The following DPF3 variants were observed in gnomAD, a reference collection of about 807,000 sequenced individuals.
The protein encoded by DPF3 is double PHD fingers 3.
A neutral mutation model predicts 56.8 loss-of-function variants in DPF3; 18 were observed. The ratio of observed to expected loss-of-function variants is 0.32; its 90% CI spans 0.22 to 0.47. DPF3 has a LOEUF of 0.47. Ranked by LOEUF, DPF3 falls within the 20% of genes least tolerant of loss-of-function variation. The pLI, the probability that DPF3 is intolerant of heterozygous loss-of-function variation, is 1.00. For missense variants in DPF3, 403 were observed against 488.8 expected (o/e 0.82, Z 1.65); for synonymous variants, 188 against 180.2 (o/e 1.04, Z -0.35).
rs1168947805 is a variant in DPF3 at position 72,886,676 on chromosome 14, C to T, written c.32+7381G>A. ...CTTTAAAGTCTCAGAATTTACACAC[C>T]AGCTCCTGTGTAGACTCTGATGAGT... On this transcript the variant is annotated intron_variant, in intron 1 of 10. Coordinates refer to ENST00000556509, the MANE Select transcript of DPF3 (RefSeq NM_001280542.3). 6.6e-5 allele frequency among the ~76,000 whole-genome samples: 10 copies of T among 152,202 alleles called. No homozygotes were observed. The East Asian group carries it at 1.9e-3, about 29-fold the overall frequency.
intron 1 of DPF3, among the ~76,000 whole-genome samples, chr14:72,846,167 A>G (rs1290206825): frequency 6.7e-6 from 1 of 150,242 alleles, no homozygotes; most frequent in East Asian, 1.9e-4. Context: ...CCGGAATACA[A>G]TGGCATGATC....
At chr14:72,753,038 A>AG (rs1267779209) in intron 3 of DPF3, among the ~76,000 whole-genome samples, 1 of 152,148 alleles carries the variant, frequency 6.6e-6, no homozygotes, top group Non-Finnish European at 1.5e-5. Context: ...GGGGTGGCAA[A>AG]GGGAAGGCAT....
At chr14:72,713,872 G>A (rs1446388985) in intron 6 of DPF3, among the ~76,000 whole-genome samples, 2 of 152,174 alleles carry the variant, frequency 1.3e-5, no homozygotes, top group African/African-American at 4.8e-5. Context: ...TCCAAAAGAT[G>A]TTTCTGAAGC....
intron 1 of DPF3, among the ~76,000 whole-genome samples, chr14:72,826,565 T>G (rs146446339): frequency 6.6e-6 from 1 of 152,360 alleles, no homozygotes; most frequent in Non-Finnish European, 1.5e-5. Flanking sequence ...GGAGAGATGA[T>G]GCATCAAGGA....
intron 8 of DPF3, chr14:72,671,472 G>A (rs761307872): frequency 2.0e-5 from 25 of 1,258,132 alleles, no homozygotes; most frequent in Admixed American, 1.2e-4. Context: ...GGATTAACCC[G>A]GTGCATCACC....
chr14:72,620,720 T>C (rs1367724763), intron 9 of DPF3, among the ~76,000 whole-genome samples: 1 of 152,262 alleles, frequency 6.6e-6, no homozygotes, highest in Non-Finnish European at 1.5e-5. Context: ...ACAAAGTCTT[T>C]GCTAATCTAC....
At chr14:72,830,371 A>G (rs1169932711) in intron 1 of DPF3, among the ~76,000 whole-genome samples, 1 of 152,212 alleles carries the variant, frequency 6.6e-6, no homozygotes, top group Non-Finnish European at 1.5e-5. Context: ...CTGTCCTTAT[A>G]TTTTGGATCA....
At chr14:72,705,845 C>T (rs1888382006) in intron 6 of DPF3, among the ~76,000 whole-genome samples, 1 of 152,046 alleles carries the variant, frequency 6.6e-6, no homozygotes, top group Non-Finnish European at 1.5e-5. Context: ...ATGTGGGAGG[C>T]AGCCTACCAG....
chr14:72,612,731 T>C lies in DPF3; in HGVS notation c.*6566A>G, dbSNP rs1411346029. Reference sequence around the variant, plus strand: ...CCCTTTGATAGCAGAATTGAGACTTTTGAAGTACCCAACTATTGCCAAATA... The same window carrying C: ...CCCTTTGATAGCAGAATTGAGACTTCTGAAGTACCCAACTATTGCCAAATA... On this transcript the variant is annotated 3_prime_UTR_variant, in exon 11 of 11. Coordinates refer to ENST00000556509, the MANE Select transcript of DPF3 (RefSeq NM_001280542.3). 2.4e-6 allele frequency: 1 copy of C among 417,934 alleles called. No individual in the cohort carries two copies. Among genetic ancestry groups the C allele is most frequent in the Non-Finnish European group, 4.8e-6 (1 of 208,864 alleles). The allele number at this position is 417,934 out of a possible 1,614,324, so 25.9% of individuals were successfully genotyped here. A position where few individuals can be genotyped will look rare whatever the true frequency, so the allele number is the denominator to read the frequency against.
chr14:72,650,672 G>C (rs932568625), intron 8 of DPF3, among the ~76,000 whole-genome samples: 2 of 152,188 alleles, frequency 1.3e-5, no homozygotes, highest in Non-Finnish European at 2.9e-5. Flanking sequence ...GATCCACACA[G>C]ATGCCCCCTC....
In DPF3 at chr14:72,893,021, A is replaced by AGGCAGGC. The variant is rs1567273900; in HGVS notation, c.32+1035_32+1036insGCCTGCC. ...GAAGGAAGGAAGGAAGGAAGGAAGG[A>AGGCAGGC]AGGATGAAAAGGAGGAGGAAGGCAG... On this transcript the variant is annotated intron_variant, in intron 1 of 10. Coordinates refer to ENST00000556509, the MANE Select transcript of DPF3 (RefSeq NM_001280542.3). Among the ~76,000 whole-genome samples, 359 of 135,560 alleles carry AGGCAGGC rather than the reference A, an allele frequency of 2.6e-3. 12 individuals are homozygous for AGGCAGGC. Among genetic ancestry groups the AGGCAGGC allele is most frequent in the Middle Eastern group, 7.7e-3 (2 of 260 alleles). 88.9% of individuals were successfully genotyped at this position (135,560 alleles called of 152,430 possible).
chr14:72,775,171 G>T (rs1891698940), intron 1 of DPF3, among the ~76,000 whole-genome samples: 1 of 151,914 alleles, frequency 6.6e-6, no homozygotes, highest in Admixed American at 6.6e-5. Flanking sequence ...AAAAAAAAAA[G>T]ATGTTAATTA....
intron 1 of DPF3, among the ~76,000 whole-genome samples, chr14:72,800,475 T>C (rs575220608): frequency 3.4e-4 from 51 of 152,206 alleles, no homozygotes; most frequent in African/African-American, 1.1e-3. Flanking sequence ...GACACATGGA[T>C]GCATGGATGC....
rs1296795154 is a variant in DPF3, at chr14:72,615,396, T to C, written c.*3901A>G. On this transcript the variant is annotated 3_prime_UTR_variant, in exon 11 of 11. Transcript: ENST00000556509. Reference sequence around the variant, plus strand: ...CCGAAAGGAAAAGTAATAACAATCATCTCATTTTTCTTCCTTAAAACATCA... The same window carrying C: ...CCGAAAGGAAAAGTAATAACAATCACCTCATTTTTCTTCCTTAAAACATCA... Among the ~76,000 whole-genome samples, 1 of 152,138 alleles carries C rather than the reference T, an allele frequency of 6.6e-6. No homozygotes were observed. Among genetic ancestry groups the C allele is most frequent in the African/African-American group, 2.4e-5 (1 of 41,430 alleles).
intron 1 of DPF3, among the ~76,000 whole-genome samples, chr14:72,893,021 A>AGGC (rs1567273900): frequency 7.4e-6 from 1 of 135,454 alleles, no homozygotes. Context: ...GGAAGGAAGG[A>AGGC]AGGATGAAAA....
chr14:72,682,222 A>G (rs1233958691), intron 7 of DPF3, among the ~76,000 whole-genome samples: 1 of 151,764 alleles, frequency 6.6e-6, no homozygotes, highest in Non-Finnish European at 1.5e-5. Context: ...CTCAAGAAAA[A>G]AAAAAAAAAA....
At chr14:72,880,637 G>A (rs774081421) in intron 1 of DPF3, among the ~76,000 whole-genome samples, 1 of 152,078 alleles carries the variant, frequency 6.6e-6, no homozygotes, top group Non-Finnish European at 1.5e-5. Flanking sequence ...GCTCACTGCA[G>A]CCTCAACCTC....
chr14:72,884,953 T>TATATATATATATATATATATATACAC lies in DPF3; in HGVS notation c.32+9103_32+9104insGTGTATATATATATATATATATATAT, dbSNP rs1316175906. 5.4e-5 allele frequency among the ~76,000 whole-genome samples: 4 copies of TATATATATATATATATATATATACAC among 73,780 alleles called. 2 individuals carry two copies. The highest frequency in any genetic ancestry group is 1.2e-4 in the Non-Finnish European group (4 of 34,456). 48.4% of individuals were successfully genotyped at this position (73,780 alleles called of 152,430 possible). A position where few individuals can be genotyped will look rare whatever the true frequency, so the allele number is the denominator to read the frequency against. On this transcript the variant is annotated intron_variant, in intron 1 of 10. Coordinates refer to ENST00000556509, the MANE Select transcript of DPF3 (RefSeq NM_001280542.3). ...CTACTAAAAATACTATATATATATA[T>TATATATATATATATATATATATACAC]ATATATATATATATATATTAGCCGG...
rs1440165682 is a variant in DPF3 at position 72,614,870 on chromosome 14, T to G, written c.*4427A>C. 6.7e-6 allele frequency among the ~76,000 whole-genome samples: 1 copy of G among 148,784 alleles called. No homozygotes were observed. Among genetic ancestry groups the G allele is most frequent in the Non-Finnish European group, 1.5e-5 (1 of 67,548 alleles). On this transcript the variant is annotated 3_prime_UTR_variant, in exon 11 of 11. Transcript: ENST00000556509. ...ATTTCTCCCTGAGGACATCCAGCTC[T>G]CTGCCTTTTTCCACCAGAGATCCTC...
Sources: gnomAD v4.1 joint callset for allele counts (sites outside exome capture counted in the v4.1 genomes callset) on GRCh38, gnomAD v4.1.1 for gene constraint, MANE v1.5 for transcripts, NCBI Gene and HGNC (gene_info 2026-07-23, HGNC 2026-07-21) for gene names.